Variants in TENM3 observed in about 807,000 individuals in gnomAD.
The protein encoded by TENM3 is teneurin transmembrane protein 3, also known as teneurin-3.
A neutral mutation model predicts 255.1 loss-of-function variants in TENM3; 63 were observed. The observed-to-expected ratio is 0.25, with a 90% confidence interval of 0.20 to 0.30. TENM3 has a LOEUF of 0.30. Ranked by LOEUF, TENM3 falls within the 10% of genes least tolerant of loss-of-function variation. The pLI is 1.00. For synonymous variants in TENM3, 1,306 were observed against 1,322.3 expected, an observed-to-expected ratio of 0.99 and a Z score of 0.27; for missense variants, 2,929 against 3,461.1, an observed-to-expected ratio of 0.85 and a Z score of 3.86.
chr4:181,787,082 A>G, the TENM3 span, among the ~76,000 whole-genome samples: 1 of 152,236 alleles, frequency 6.6e-6, no homozygotes, highest in Non-Finnish European at 1.5e-5. Flanking sequence ...TGCCTTCTTC[A>G]TCAAGGTTTT....
chr4:181,882,127 G>T, the TENM3 span, among the ~76,000 whole-genome samples: 1 of 152,130 alleles, frequency 6.6e-6, no homozygotes, highest in Non-Finnish European at 1.5e-5. Context: ...CCCCCCGTTC[G>T]CCTGCAGAGT....
chr4:181,602,763 A>G, the TENM3 span, among the ~76,000 whole-genome samples: 4 of 152,212 alleles, frequency 2.6e-5, no homozygotes, highest in African/African-American at 9.6e-5. Context: ...ATGGATCACT[A>G]TAAGAGCTTT....
chr4:181,501,417 C>T, the TENM3 span, among the ~76,000 whole-genome samples: 2 of 150,304 alleles, frequency 1.3e-5, no homozygotes, highest in Non-Finnish European at 3.0e-5. Context: ...CTCGCACTGT[C>T]GCCTGGGCTG....
the TENM3 span, among the ~76,000 whole-genome samples, chr4:181,996,525 C>G: frequency 3.3e-5 from 5 of 152,158 alleles, no homozygotes; most frequent in Non-Finnish European, 4.4e-5. Flanking sequence ...ATAGAGAGAA[C>G]CAGGAACCAG....
the TENM3 span, among the ~76,000 whole-genome samples, chr4:181,609,742 T>G: frequency 6.6e-6 from 1 of 152,266 alleles, no homozygotes; most frequent in Non-Finnish European, 1.5e-5. Context: ...ATTTGAAATG[T>G]ATCTGGTCAT....
At chr4:182,551,908 C>T (rs1485274141) in intron 3 of TENM3, among the ~76,000 whole-genome samples, 1 of 151,760 alleles carries the variant, frequency 6.6e-6, no homozygotes, top group African/African-American at 2.4e-5. Flanking sequence ...GTCCTAGCTA[C>T]TCAGGAGGCT....
chr4:182,738,458 C>T lies in TENM3; in HGVS notation c.3293C>T (p.Thr1098Ile). 6.2e-7 allele frequency: 1 copy of T among 1,613,316 alleles called. No individual in the cohort carries two copies. Among genetic ancestry groups the T allele is most frequent in the Non-Finnish European group, 8.5e-7 (1 of 1,179,552 alleles). ...GACCTGACTCTGTGGGAAAAGAGGACTGCCATTCTGCAGGGCTATGAATTG... is the reference window on the plus strand; with the variant it reads ...GACCTGACTCTGTGGGAAAAGAGGATTGCCATTCTGCAGGGCTATGAATTG... ...CLDLTLWEKR[T>I]AILQGYELDA... is the part of the protein sequence containing the mutation. Residue 1098 changes from threonine (T) to isoleucine (I), a missense_variant, in exon 18 of 28, where the codon ACT becomes ATT. By Grantham distance (89) the Thr-to-Ile change is moderately conservative. Coordinates refer to ENST00000511685, the MANE Select transcript of TENM3 (RefSeq NM_001080477.4).
chr4:181,692,368 C>A, the TENM3 span, among the ~76,000 whole-genome samples: 1 of 152,162 alleles, frequency 6.6e-6, no homozygotes, highest in South Asian at 2.1e-4. Flanking sequence ...CAGAGGCTCA[C>A]AATCAATGCA....
At chr4:182,368,482 T>G (rs1766576834) in intron 3 of TENM3, among the ~76,000 whole-genome samples, 1 of 152,180 alleles carries the variant, frequency 6.6e-6, no homozygotes, top group Admixed American at 6.5e-5. Context: ...CCCATGTTAG[T>G]TCCTTACTAA....
At chr4:181,567,401 G>A in the TENM3 span, among the ~76,000 whole-genome samples, 1 of 152,166 alleles carries the variant, frequency 6.6e-6, no homozygotes, top group Non-Finnish European at 1.5e-5. Context: ...TAGCAAAAAT[G>A]TGAAGCCTAA....
the TENM3 span, among the ~76,000 whole-genome samples, chr4:181,767,063 T>G: frequency 1.5e-5 from 2 of 131,426 alleles, 1 homozygote; most frequent in African/African-American, 5.8e-5. Context: ...CCATTCTGGC[T>G]AACAAGGGGA....
At chr4:181,993,961 C>T in the TENM3 span, among the ~76,000 whole-genome samples, 1 of 152,068 alleles carries the variant, frequency 6.6e-6, no homozygotes, top group Admixed American at 6.6e-5. Context: ...AGTGAGTTTG[C>T]TTTCCCTCTC....
intron 3 of TENM3, among the ~76,000 whole-genome samples, chr4:182,553,642 A>G (rs1181443107): frequency 1.3e-5 from 2 of 152,184 alleles, no homozygotes; most frequent in Non-Finnish European, 2.9e-5. Flanking sequence ...GCTCGGTTGC[A>G]TATTGCTAGG....
chr4:182,676,446 A>C (rs1490516950), intron 7 of TENM3, among the ~76,000 whole-genome samples: 1 of 151,674 alleles, frequency 6.6e-6, no homozygotes, highest in Non-Finnish European at 1.5e-5. Flanking sequence ...CTTAGTGTCC[A>C]TTGGTAAAAT....
chr4:182,798,001 A>AGGT (rs1370029305), intron 27 of TENM3, among the ~76,000 whole-genome samples: 1 of 152,190 alleles, frequency 6.6e-6, no homozygotes, highest in Non-Finnish European at 1.5e-5. Flanking sequence ...ACCTTGTATA[A>AGGT]GGTGGTGATC....
the TENM3 span, among the ~76,000 whole-genome samples, chr4:181,503,218 TAGC>T: frequency 6.6e-6 from 1 of 151,882 alleles, no homozygotes. Context: ...AATTAAAAAA[TAGC>T]TGGGCATGCT....
the TENM3 span, among the ~76,000 whole-genome samples, chr4:181,875,571 T>G: frequency 6.6e-6 from 1 of 152,170 alleles, no homozygotes; most frequent in South Asian, 2.1e-4. Context: ...ATTCTTACAG[T>G]AGGAAAAACA....
At chr4:182,181,035 T>G (rs997320623) in intron 1 of TENM3, among the ~76,000 whole-genome samples, 1 of 152,164 alleles carries the variant, frequency 6.6e-6, no homozygotes, top group African/African-American at 2.4e-5. Flanking sequence ...TGATTTTTTT[T>G]TTAATTTACT....
At chr4:182,031,105 A>C in the TENM3 span, among the ~76,000 whole-genome samples, 1 of 152,030 alleles carries the variant, frequency 6.6e-6, no homozygotes, top group African/African-American at 2.4e-5. Context: ...TGCCTTTGAC[A>C]TTTATGTCAT....
Sources: allele counts gnomAD v4.1 joint callset (sites outside exome capture counted in the v4.1 genomes callset), GRCh38; gene constraint gnomAD v4.1.1; transcripts MANE v1.5; gene names NCBI Gene and HGNC (gene_info 2026-07-23, HGNC 2026-07-21).